The following DOCK5 variants were observed in gnomAD, a reference collection of about 807,000 sequenced individuals.
The protein encoded by DOCK5 is dedicator of cytokinesis 5, also known as dedicator of cytokinesis protein 5.
A neutral mutation model predicts 251.8 loss-of-function variants in DOCK5; 142 were observed. The observed-to-expected ratio is 0.56, with a 90% CI of 0.49 to 0.65. The LOEUF (loss-of-function observed/expected upper bound fraction) is 0.65. Ranked by LOEUF, DOCK5 falls within the 30% of genes least tolerant of loss-of-function variation. The pLI is 0.00. For synonymous variants in DOCK5, 842 were observed against 835.5 expected, an observed-to-expected ratio of 1.01 and a Z score of -0.13; for missense variants, 2,111 against 2,312.3, an observed-to-expected ratio of 0.91 and a Z score of 1.79.
At chr8:25,215,932 T>TACACACACACACACAC (rs199685009) in intron 1 of DOCK5, among the ~76,000 whole-genome samples, 1 of 141,172 alleles carries the variant, frequency 7.1e-6, no homozygotes, top group Non-Finnish European at 1.6e-5. Flanking sequence ...TGGAAATAAA[T>TACACACACACACACAC]ACACACACAC....
intron 29 of DOCK5, among the ~76,000 whole-genome samples, chr8:25,364,243 T>TAGC (rs1800738213): frequency 6.6e-6 from 1 of 152,222 alleles, no homozygotes; most frequent in African/African-American, 2.4e-5. Flanking sequence ...AACACCTGAT[T>TAGC]AGAAGAAGCC....
At chr8:25,222,645 A>G (rs1167702563) in intron 1 of DOCK5, among the ~76,000 whole-genome samples, 1 of 152,160 alleles carries the variant, frequency 6.6e-6, no homozygotes, top group African/African-American at 2.4e-5. Context: ...CACATTAGAA[A>G]TCCTTTCTTC....
intron 44 of DOCK5, among the ~76,000 whole-genome samples, chr8:25,393,940 G>A (rs76923819): frequency 6.6e-6 from 1 of 152,208 alleles, no homozygotes; most frequent in Non-Finnish European, 1.5e-5. Flanking sequence ...TGTGTTATAA[G>A]TCATGGCTAG....
chr8:25,362,666 T>C (rs1050809994), intron 28 of DOCK5, among the ~76,000 whole-genome samples: 4 of 151,804 alleles, frequency 2.6e-5, no homozygotes, highest in African/African-American at 9.7e-5. Flanking sequence ...GGGATTTCAC[T>C]ATGTTGGCCA....
intron 1 of DOCK5, among the ~76,000 whole-genome samples, chr8:25,206,882 T>C (rs1802014424): frequency 6.6e-6 from 1 of 152,160 alleles, no homozygotes; most frequent in African/African-American, 2.4e-5. Context: ...TGGAAGCCAA[T>C]GTTGTGAATG....
rs149923456 is a variant in DOCK5 at position 25,211,677 on chromosome 8, G to A, written c.43+26726G>A. 2.5e-4 allele frequency among the ~76,000 whole-genome samples: 17 copies of A among 68,292 alleles called. 3 individuals carry two copies. The highest frequency in any genetic ancestry group is 5.6e-4 in the African/African-American group (17 of 30,124). 44.8% of individuals were successfully genotyped at this position (68,292 alleles called of 152,430 possible). ...TAAAAAATTAGTCTGGTGCAGTGGT[G>A]CATACCTGTAGTCCCAGCTACTCTG... On this transcript the variant is annotated intron_variant, in intron 1 of 51. Coordinates refer to ENST00000276440, the MANE Select transcript of DOCK5 (RefSeq NM_024940.8).
At chr8:25,321,635 G>A (rs115221665) in intron 16 of DOCK5, among the ~76,000 whole-genome samples, 17 of 152,206 alleles carry the variant, frequency 1.1e-4, no homozygotes, top group East Asian at 1.9e-4. Context: ...AACAGGAGGC[G>A]GAGCTCAGGT....
At chr8:25,297,415 G>A (rs1804646661) in intron 7 of DOCK5, among the ~76,000 whole-genome samples, 3 of 151,848 alleles carry the variant, frequency 2.0e-5, no homozygotes, top group African/African-American at 7.3e-5. Flanking sequence ...CCACCACCAC[G>A]CCTGGCTAAT....
intron 26 of DOCK5, among the ~76,000 whole-genome samples, chr8:25,346,938 C>T (rs1800380990): frequency 6.6e-6 from 1 of 151,994 alleles, no homozygotes; most frequent in East Asian, 1.9e-4. Flanking sequence ...GAGAACTTTG[C>T]AGAATGTGTT....
chr8:25,392,075 G>T, intron 43 of DOCK5, 95 bp downstream of exon 43: 1 of 1,172,006 alleles, frequency 8.5e-7, no homozygotes, highest in Non-Finnish European at 1.2e-6. Flanking sequence ...AGGCCGATGC[G>T]GGCGGATCAC....
chr8:25,289,349 G>A (rs76416002), intron 5 of DOCK5, among the ~76,000 whole-genome samples: 12,682 of 151,260 alleles, frequency 0.084, 1,713 homozygotes, highest in African/African-American at 0.29. Context: ...ACAAGGTCTC[G>A]CTATGTTGCC....
At chr8:25,300,422 C>G (rs1020244942) in intron 8 of DOCK5, among the ~76,000 whole-genome samples, 154 bp from the exon 9 acceptor site, 1 of 152,186 alleles carries the variant, frequency 6.6e-6, no homozygotes, top group African/African-American at 2.4e-5. Flanking sequence ...TGTGTGGTCC[C>G]AGTTCCCAAC....
intron 1 of DOCK5, among the ~76,000 whole-genome samples, chr8:25,185,273 G>A (rs1017931644): frequency 2.6e-5 from 4 of 152,160 alleles, no homozygotes; most frequent in Non-Finnish European, 4.4e-5. Flanking sequence ...TTTTGGGGCC[G>A]CAGCTCTGTG....
chr8:25,343,809 GTT>G (rs1327932526), intron 25 of DOCK5, among the ~76,000 whole-genome samples: 1 of 151,952 alleles, frequency 6.6e-6, no homozygotes, highest in Non-Finnish European at 1.5e-5. Flanking sequence ...GCGTTTTTTT[GTT>G]TTGTTTTGTT....
chr8:25,272,349 A>G (rs192334039), intron 3 of DOCK5, among the ~76,000 whole-genome samples: 1 of 152,308 alleles, frequency 6.6e-6, no homozygotes, highest in Non-Finnish European at 1.5e-5. Flanking sequence ...TCCTAATATG[A>G]AAATCATCAT....
At chr8:25,214,273 TG>T (rs1802173431) in intron 1 of DOCK5, among the ~76,000 whole-genome samples, 2 of 152,272 alleles carry the variant, frequency 1.3e-5, no homozygotes, top group African/African-American at 4.8e-5. Context: ...TTCTCTGCTT[TG>T]CCTGTTCCTC....
intron 21 of DOCK5, among the ~76,000 whole-genome samples, chr8:25,335,513 TAA>T (rs200273690): frequency 0.012 from 1,771 of 151,386 alleles, 25 homozygotes; most frequent in African/African-American, 0.041. Flanking sequence ...ATAATAATTA[TAA>T]GTGACTATTA....
chr8:25,364,747 A>G, intron 30 of DOCK5, 43 bp downstream of exon 30: 7 of 1,394,838 alleles, frequency 5.0e-6, no homozygotes, highest in Non-Finnish European at 7.0e-6. Context: ...ATTCTTGGCC[A>G]TGGCAAGAGA....
intron 39 of DOCK5, among the ~76,000 whole-genome samples, chr8:25,382,107 G>A (rs1473628531): frequency 2.0e-5 from 3 of 152,090 alleles, no homozygotes; most frequent in African/African-American, 7.2e-5. Flanking sequence ...TTGAACTCCT[G>A]GGCTCAAGAC....
Sources: allele counts gnomAD v4.1 joint callset (sites outside exome capture counted in the v4.1 genomes callset), GRCh38; gene constraint gnomAD v4.1.1; transcripts MANE v1.5; gene names NCBI Gene and HGNC (gene_info 2026-07-23, HGNC 2026-07-21).